Variants in TRAPPC9 observed in about 807,000 individuals in gnomAD.
TRAPPC9 encodes IKK2 binding protein.
TRAPPC9 carries 83 observed loss-of-function variants against 124.0 expected under a neutral mutation model. The observed-to-expected ratio is 0.67, with a 90% CI of 0.56 to 0.80. TRAPPC9 has a LOEUF of 0.80. Ranked by LOEUF, TRAPPC9 falls within the 30% of genes least tolerant of loss-of-function variation. The pLI, the probability that TRAPPC9 is intolerant of heterozygous loss-of-function variation, is 0.00. For synonymous variants in TRAPPC9, 638 were observed against 617.5 expected (o/e 1.03, Z -0.49); for missense variants, 1,302 against 1,508.3 (o/e 0.86, Z 2.27).
intron 7 of TRAPPC9, among the ~76,000 whole-genome samples, chr8:140,379,840 T>C (rs1343712985): frequency 3.3e-5 from 5 of 152,202 alleles, no homozygotes; most frequent in Admixed American, 2.6e-4. Context: ...ATGCCTTTCT[T>C]ATTAGGAAAC....
intron 17 of TRAPPC9, among the ~76,000 whole-genome samples, chr8:140,134,998 G>A (rs1447302499): frequency 6.6e-6 from 1 of 152,094 alleles, no homozygotes; most frequent in Non-Finnish European, 1.5e-5. Context: ...ATTAAAAATG[G>A]GCAAAGGCCT....
intron 20 of TRAPPC9, among the ~76,000 whole-genome samples, chr8:139,891,933 C>T (rs567424095): frequency 6.6e-6 from 1 of 152,358 alleles, no homozygotes; most frequent in African/African-American, 2.4e-5. Flanking sequence ...CAAGGCCACA[C>T]ACCACATGGC....
chr8:139,883,808 G>A (rs546435706), intron 21 of TRAPPC9, among the ~76,000 whole-genome samples: 3 of 152,220 alleles, frequency 2.0e-5, no homozygotes, highest in South Asian at 2.1e-4. Flanking sequence ...GGCCTGTAAC[G>A]CAGTGCTCCC....
intron 17 of TRAPPC9, among the ~76,000 whole-genome samples, chr8:140,041,260 C>A (rs1227749965): frequency 6.6e-6 from 1 of 152,148 alleles, no homozygotes; most frequent in Non-Finnish European, 1.5e-5. Context: ...CATACTGTAC[C>A]TGGCAGGGAA....
intron 5 of TRAPPC9, among the ~76,000 whole-genome samples, chr8:140,412,222 C>A (rs1311842429): frequency 6.6e-6 from 1 of 152,176 alleles, no homozygotes; most frequent in Non-Finnish European, 1.5e-5. Context: ...CTCCTTCTGC[C>A]CTGCCAAAAT....
chr8:140,069,720 G>GT (rs1034343863), intron 17 of TRAPPC9, among the ~76,000 whole-genome samples: 1 of 152,146 alleles, frequency 6.6e-6, no homozygotes, highest in African/African-American at 2.4e-5. Flanking sequence ...GAGAGGGGAT[G>GT]TATTAGGAGA....
chr8:140,016,159 C>T (rs1257791987), intron 18 of TRAPPC9, among the ~76,000 whole-genome samples: 1 of 152,194 alleles, frequency 6.6e-6, no homozygotes, highest in Non-Finnish European at 1.5e-5. Flanking sequence ...TATATATTTT[C>T]GTACATGAAA....
intron 15 of TRAPPC9, among the ~76,000 whole-genome samples, chr8:140,253,932 G>C (rs2064187945): frequency 6.6e-6 from 1 of 152,058 alleles, no homozygotes; most frequent in Admixed American, 6.6e-5. Flanking sequence ...TGCACCACAG[G>C]GTTATTTTAC....
At chr8:139,867,450 G>C (rs1828619586) in intron 21 of TRAPPC9, among the ~76,000 whole-genome samples, 1 of 152,196 alleles carries the variant, frequency 6.6e-6, no homozygotes, top group Non-Finnish European at 1.5e-5. Context: ...GGATATCCAT[G>C]ATGAGGAATC....
intron 21 of TRAPPC9, among the ~76,000 whole-genome samples, chr8:139,784,644 T>TATATAA (rs1218317207): frequency 7.6e-5 from 10 of 131,810 alleles, no homozygotes; most frequent in Non-Finnish European, 1.6e-4. Context: ...TATATATATA[T>TATATAA]AAATCAACTG....
intron 9 of TRAPPC9, among the ~76,000 whole-genome samples, chr8:140,347,226 C>G (rs2067376218): frequency 6.6e-6 from 1 of 152,200 alleles, no homozygotes; most frequent in South Asian, 2.1e-4. Flanking sequence ...CCCCACAGTT[C>G]CTAGCTTGTC....
chr8:139,956,254 C>T (rs929939019), intron 19 of TRAPPC9, among the ~76,000 whole-genome samples: 1 of 151,644 alleles, frequency 6.6e-6, no homozygotes, highest in African/African-American at 2.4e-5. Context: ...CTCTGCCCCC[C>T]GGATTCAAGC....
intron 21 of TRAPPC9, among the ~76,000 whole-genome samples, chr8:139,849,618 A>G (rs1013552536): frequency 2.6e-5 from 4 of 152,244 alleles, no homozygotes; most frequent in Non-Finnish European, 4.4e-5. Flanking sequence ...TGTAATATTC[A>G]ATAATGCGCC....
At chr8:140,190,229 G>A (rs1163002517) in intron 17 of TRAPPC9, among the ~76,000 whole-genome samples, 1 of 152,196 alleles carries the variant, frequency 6.6e-6, no homozygotes, top group Non-Finnish European at 1.5e-5. Flanking sequence ...GCTGAGGCTG[G>A]AGGATCACTT....
At chr8:140,438,156 C>G (rs567749287) in intron 3 of TRAPPC9, among the ~76,000 whole-genome samples, 1 of 152,268 alleles carries the variant, frequency 6.6e-6, no homozygotes, top group South Asian at 2.1e-4. Context: ...TTAACTGTCA[C>G]TTCCCATTCC....
At position 140,287,651 on chromosome 8, in the gene TRAPPC9, C is replaced by G. The variant is rs768606436; in HGVS notation, c.1938G>C (p.Thr646=). Residue 646 remains threonine, a synonymous_variant, in exon 13 of 23, where the codon ACG becomes ACC. Coordinates refer to ENST00000438773, the MANE Select transcript of TRAPPC9 (RefSeq NM_001160372.4). ...LPAESGLYPV[T]LVGVPQTTGT... is the part of the protein sequence containing the mutation. ...CAGTCGTCTGCGGGACCCCGACGAG[C>G]GTCACTGGGTACAGACCAGATTCAG... The G allele has an allele frequency of 6.2e-7, 1 of 1,614,172 alleles. No homozygotes were observed. Among genetic ancestry groups the G allele is most frequent in the South Asian group, 1.1e-5 (1 of 91,080 alleles).
Position 139,885,869 on chromosome 8 carries a change from G to C in TRAPPC9, c.3055+10C>G. ...CACCCAGAATCGATGGGTGGCTGGC[G>C]GGTACTCACCCCACTGCAGAGGCGC... On this transcript the variant is annotated intron_variant, in intron 21 of 22. Coordinates refer to ENST00000438773, the MANE Select transcript of TRAPPC9 (RefSeq NM_001160372.4). The C allele has an allele frequency of 6.4e-7, 1 of 1,557,394 alleles. No homozygotes were observed. Among genetic ancestry groups the C allele is most frequent in the Non-Finnish European group, 8.7e-7 (1 of 1,149,936 alleles).
In TRAPPC9 at chr8:140,353,256, T is replaced by C. The variant is rs1380418278; in HGVS notation, c.1495+6794A>G. On this transcript the variant is annotated intron_variant, in intron 9 of 22. Transcript: ENST00000438773. This position sits in a 1 kb window ranked among gnomAD's most constrained non-coding sequence, Gnocchi z 4.2. ...AAAGTCATTCCAACAGCAGAAATGC[T>C]GTGAAATAAGGCACATCCTTAACAC... is the stretch of plus-strand genomic sequence containing the variant. 6.6e-6 allele frequency among the ~76,000 whole-genome samples: 1 copy of C among 152,240 alleles called. No individual in the cohort carries two copies. The highest frequency in any genetic ancestry group is 1.5e-5 in the Non-Finnish European group (1 of 68,038).
At chr8:140,425,568 C>T (rs372273780) in intron 5 of TRAPPC9, among the ~76,000 whole-genome samples, 89 of 152,238 alleles carry the variant, frequency 5.8e-4, no homozygotes, top group African/African-American at 2.1e-3. Context: ...CTCTAAGCTA[C>T]TTCTATATGG....
Sources: allele counts gnomAD v4.1 joint callset (sites outside exome capture counted in the v4.1 genomes callset), GRCh38; gene constraint gnomAD v4.1.1; non-coding constraint Gnocchi (gnomAD v3.1); transcripts MANE v1.5; gene names NCBI Gene and HGNC (gene_info 2026-07-23, HGNC 2026-07-21).